MECOM: variants seen among roughly 807,000 people sequenced by gnomAD.
The protein encoded by MECOM is MDS1 and EVI1 complex locus.
MECOM carries 13 observed loss-of-function variants against 116.3 expected under a neutral mutation model. The observed-to-expected ratio is 0.11, with a 90% CI of 0.07 to 0.18. The LOEUF (loss-of-function observed/expected upper bound fraction) is 0.18, where lower values mean the gene tolerates loss of function less well. Among genes scored for constraint, MECOM ranks in the 10% least tolerant of loss-of-function variants. The pLI is 1.00. For missense variants in MECOM, 1,299 were observed against 1,509.0 expected, an observed-to-expected ratio of 0.86 and a Z score of 2.31; for synonymous variants, 528 against 535.2, an observed-to-expected ratio of 0.99 and a Z score of 0.19.
At chr3:169,472,518 G>GAAAGGAAAGA (rs1553863131) in intron 1 of MECOM, among the ~76,000 whole-genome samples, 3,834 of 70,086 alleles carry the variant, frequency 0.055, 917 homozygotes, top group Non-Finnish European at 0.074. Flanking sequence ...GAAAGGAAAG[G>GAAAGGAAAGA]AAAGAAAAGA....
intron 2 of MECOM, among the ~76,000 whole-genome samples, chr3:169,222,590 G>C (rs1016610360): frequency 2.6e-5 from 4 of 152,194 alleles, no homozygotes; most frequent in African/African-American, 9.7e-5. Context: ...GCTGACAGGG[G>C]TCAGTGTGAC....
intron 2 of MECOM, among the ~76,000 whole-genome samples, chr3:169,165,898 T>C (rs1460527976): frequency 6.6e-6 from 1 of 152,160 alleles, no homozygotes; most frequent in Admixed American, 6.5e-5. Context: ...CATAGCTAAG[T>C]AAAATGTGTT....
intron 2 of MECOM, among the ~76,000 whole-genome samples, chr3:169,193,025 C>T (rs1293158177): frequency 1.3e-5 from 2 of 151,702 alleles, no homozygotes; most frequent in Admixed American, 6.6e-5. Context: ...GGGGTAATAT[C>T]GAAATGACAC....
chr3:169,257,763 A>G (rs562469904), intron 2 of MECOM, among the ~76,000 whole-genome samples: 6 of 152,292 alleles, frequency 3.9e-5, no homozygotes, highest in African/African-American at 1.2e-4. Flanking sequence ...TCAACCATCA[A>G]GTAAAACCCG....
intron 1 of MECOM, among the ~76,000 whole-genome samples, chr3:169,449,021 T>C (rs1745114424): frequency 6.6e-6 from 1 of 152,144 alleles, no homozygotes; most frequent in African/African-American, 2.4e-5. Context: ...GAGTAGTATC[T>C]GTCAACAGAG....
At position 169,127,956 on chromosome 3, in the gene MECOM, A is replaced by G. The variant is rs766170290; in HGVS notation, c.718T>C (p.Ser240Pro). ...TGCTGAAAGTCCTCTTCAACCATTG[A>G]AAATGCTGAGTGAGGAGTACTGCAT... ...FPCSTPHSAFSMVEEDFQQKL... is the reference protein window; with the variant it reads ...FPCSTPHSAFPMVEEDFQQKL... Residue 240 changes from serine (S) to proline (P), a missense_variant, in exon 5 of 17, where the codon TCA becomes CCA. Coordinates refer to ENST00000651503, the MANE Select transcript of MECOM (RefSeq NM_004991.4). 1 of 1,613,974 alleles carries G rather than the reference A, an allele frequency of 6.2e-7. No individual in the cohort carries two copies. Among genetic ancestry groups the G allele is most frequent in the African/African-American group, 1.3e-5 (1 of 74,930 alleles).
At chr3:169,503,674 C>T (rs1754827659) in intron 1 of MECOM, among the ~76,000 whole-genome samples, 1 of 152,130 alleles carries the variant, frequency 6.6e-6, no homozygotes, top group African/African-American at 2.4e-5. Context: ...CAATAGCCCA[C>T]CCTTTACAAA....
At chr3:169,520,832 T>C (rs1380962050) in intron 1 of MECOM, among the ~76,000 whole-genome samples, 1 of 152,188 alleles carries the variant, frequency 6.6e-6, no homozygotes, top group Non-Finnish European at 1.5e-5. Flanking sequence ...GTGGCTCAGA[T>C]GTGTAGCAAA....
At chr3:169,530,214 T>C (rs1420519442) in intron 1 of MECOM, among the ~76,000 whole-genome samples, 2 of 152,176 alleles carry the variant, frequency 1.3e-5, no homozygotes, top group African/African-American at 4.8e-5. Flanking sequence ...AGGTTCCCAG[T>C]TGATGTTTAC....
chr3:169,646,115 A>G (rs6780185), intron 1 of MECOM, among the ~76,000 whole-genome samples: 80,283 of 151,732 alleles, frequency 0.53, 22,626 homozygotes, highest in African/African-American at 0.73. Context: ...GTGTATATGT[A>G]CCACATTTTC....
intron 1 of MECOM, among the ~76,000 whole-genome samples, chr3:169,584,826 T>G (rs1451544173): frequency 6.6e-6 from 1 of 152,164 alleles, no homozygotes; most frequent in Non-Finnish European, 1.5e-5. Flanking sequence ...CAGCACTGTA[T>G]TCACATTTTA....
At chr3:169,106,612 T>G (rs1396988636) in intron 10 of MECOM, among the ~76,000 whole-genome samples, 5 of 152,174 alleles carry the variant, frequency 3.3e-5, no homozygotes, top group Non-Finnish European at 5.9e-5. Context: ...TATGCTGTTG[T>G]ATTATAAGAA....
chr3:169,345,281 C>T (rs192996371), intron 2 of MECOM, among the ~76,000 whole-genome samples: 3 of 151,872 alleles, frequency 2.0e-5, no homozygotes, highest in Non-Finnish European at 4.4e-5. Flanking sequence ...CAGCTTCTGG[C>T]GTATTTGTAA....
intron 2 of MECOM, among the ~76,000 whole-genome samples, chr3:169,289,647 A>AG (rs1714103621): frequency 6.6e-6 from 1 of 152,200 alleles, no homozygotes; most frequent in Admixed American, 6.6e-5. Flanking sequence ...CATTTGTATT[A>AG]GGCCAATGGA....
chr3:169,201,549 G>T (rs1314997169), intron 2 of MECOM, among the ~76,000 whole-genome samples: 2 of 152,048 alleles, frequency 1.3e-5, no homozygotes, highest in African/African-American at 2.4e-5. Flanking sequence ...AAGGAAGAGG[G>T]TTCCAATCAA....
intron 1 of MECOM, among the ~76,000 whole-genome samples, chr3:169,416,758 A>G (rs1204319494): frequency 6.6e-6 from 1 of 152,194 alleles, no homozygotes; most frequent in African/African-American, 2.4e-5. Context: ...AAACACCTCT[A>G]TGTAAGTAAG....
chr3:169,522,424 A>C (rs1757461273), intron 1 of MECOM, among the ~76,000 whole-genome samples: 1 of 152,084 alleles, frequency 6.6e-6, no homozygotes, highest in African/African-American at 2.4e-5. Context: ...AGTCTATATC[A>C]GACCCATTAT....
At chr3:169,434,702 T>A (rs1440520249) in intron 1 of MECOM, among the ~76,000 whole-genome samples, 1 of 152,208 alleles carries the variant, frequency 6.6e-6, no homozygotes, top group Non-Finnish European at 1.5e-5. Flanking sequence ...GGAAAAAGCT[T>A]TAATGATGTG....
chr3:169,544,607 C>T (rs906400363), intron 1 of MECOM, among the ~76,000 whole-genome samples: 1 of 152,150 alleles, frequency 6.6e-6, no homozygotes, highest in Non-Finnish European at 1.5e-5. Context: ...ATAGCAAAGA[C>T]GTGGAACCAA....
Sources: gnomAD v4.1 joint callset for allele counts (sites outside exome capture counted in the v4.1 genomes callset) on GRCh38, gnomAD v4.1.1 for gene constraint, MANE v1.5 for transcripts, NCBI Gene and HGNC (gene_info 2026-07-23, HGNC 2026-07-21) for gene names.